Variants in CTNNA2 observed in about 807,000 individuals in gnomAD.
CTNNA2 encodes catenin alpha 2, also known as catenin alpha-2.
Under a neutral mutation model 101.0 loss-of-function variants are expected in CTNNA2, and 42 were observed. The observed-to-expected ratio is 0.42, with a 90% CI of 0.32 to 0.54. The LOEUF is 0.54. Among genes scored for constraint, CTNNA2 ranks in the 20% least tolerant of loss-of-function variants. The pLI, the probability that CTNNA2 is intolerant of heterozygous loss-of-function variation, is 0.14. For synonymous variants in CTNNA2, 450 were observed against 456.4 expected (o/e 0.99, Z 0.18); for missense variants, 871 against 1,223.1 (o/e 0.71, Z 4.29).
At chr2:80,328,370 GT>G (rs766343924) in intron 7 of CTNNA2, 13 of 471,046 alleles carry the variant, frequency 2.8e-5, no homozygotes, top group South Asian at 2.0e-4. Flanking sequence ...ATGTTTGTGT[GT>G]GGCAGGAAAG....
At chr2:79,892,551 A>T (rs896370062) in intron 6 of CTNNA2, among the ~76,000 whole-genome samples, 1 of 152,214 alleles carries the variant, frequency 6.6e-6, no homozygotes, top group Non-Finnish European at 1.5e-5. Flanking sequence ...TGTGATTTCC[A>T]ATTAGGTCAG....
At chr2:79,851,795 G>A (rs1975217) in intron 3 of CTNNA2, among the ~76,000 whole-genome samples, 72,993 of 133,918 alleles carry the variant, frequency 0.55, 19,492 homozygotes, top group South Asian at 0.64. Context: ...AGACTGCAGT[G>A]CAATGGTATG....
At position 79,741,888 on chromosome 2, in the gene CTNNA2, A is replaced by T. The variant is rs892774597; in HGVS notation, c.103-2499A>T. On this transcript the variant is annotated intron_variant, in intron 2 of 18. Transcript: ENST00000402739. The stretch of plus-strand genomic sequence containing the variant: ...CCAATAAAACACTGAATAGCAGTGA[A>T]AAGCATTGACAATTGTTTATTCCGA... 5.3e-5 allele frequency among the ~76,000 whole-genome samples: 8 copies of T among 152,204 alleles called. 1 individual carries two copies. Among genetic ancestry groups the T allele is most frequent in the Admixed American group, 5.2e-4 (8 of 15,288 alleles).
intron 7 of CTNNA2, among the ~76,000 whole-genome samples, chr2:80,031,588 G>A (rs1695292156): frequency 6.6e-6 from 1 of 152,212 alleles, no homozygotes; most frequent in Non-Finnish European, 1.5e-5. Flanking sequence ...CTCACAACAT[G>A]TGGAAATTCA....
At position 79,974,861 on chromosome 2, in the gene CTNNA2, G is replaced by C. The variant is rs150912319; in HGVS notation, c.1056+65064G>C. On this transcript the variant is annotated intron_variant, in intron 7 of 18. Transcript: ENST00000402739. ...GGGAGGAGTCAGACGAAGCGTAGGAGGGGTAAAGACTGAGCTTGAGGTCTT... is the reference window on the plus strand; with the variant it reads ...GGGAGGAGTCAGACGAAGCGTAGGACGGGTAAAGACTGAGCTTGAGGTCTT... Among the ~76,000 whole-genome samples the C allele has an allele frequency of 1.3e-3, 191 of 152,260 alleles. 1 individual carries two copies. Among genetic ancestry groups the C allele is most frequent in the African/African-American group, 4.3e-3 (177 of 41,564 alleles).
intron 7 of CTNNA2, among the ~76,000 whole-genome samples, chr2:80,216,335 T>A (rs1708268505): frequency 6.6e-6 from 1 of 152,190 alleles, no homozygotes; most frequent in Admixed American, 6.5e-5. Flanking sequence ...ATCTTCTGCA[T>A]CACTCATGCT....
At chr2:80,003,057 T>A (rs919495972) in intron 7 of CTNNA2, among the ~76,000 whole-genome samples, 1 of 152,042 alleles carries the variant, frequency 6.6e-6, no homozygotes, top group Non-Finnish European at 1.5e-5. Flanking sequence ...CCTTACCTGG[T>A]GATTAGTGAT....
Position 79,815,488 on chromosome 2 carries a change from A to G in CTNNA2, c.299-42525A>G, listed in dbSNP as rs568275627. Among the ~76,000 whole-genome samples the G allele has an allele frequency of 1.1e-4, 16 of 152,146 alleles. No homozygotes were observed. The East Asian group carries it at 3.1e-3, about 29-fold the overall frequency. On this transcript the variant is annotated intron_variant, in intron 3 of 18. Coordinates refer to ENST00000402739, the MANE Select transcript of CTNNA2 (RefSeq NM_001282597.3). The stretch of plus-strand genomic sequence containing the variant: ...GGATCCAGTTTCATGTGGCTAGCCA[A>G]TTATCCCAGCACCATTTGTTGAAAA...
chr2:79,352,951 A>G (rs1392641987), intron 3 of CTNNA2, among the ~76,000 whole-genome samples: 1 of 152,184 alleles, frequency 6.6e-6, no homozygotes, highest in Admixed American at 6.5e-5. Context: ...AGCAGGAGAA[A>G]GAGAGCAAAG....
chr2:79,560,053 TG>T (rs1301957869), intron 1 of CTNNA2, among the ~76,000 whole-genome samples: 2 of 151,522 alleles, frequency 1.3e-5, no homozygotes, highest in Non-Finnish European at 1.5e-5. Flanking sequence ...AAAGTCTTTG[TG>T]CATTAGAAAC....
chr2:79,668,553 A>C (rs1375589746), intron 2 of CTNNA2, among the ~76,000 whole-genome samples: 2 of 152,202 alleles, frequency 1.3e-5, no homozygotes, highest in African/African-American at 2.4e-5. Context: ...ACCTCCTTGA[A>C]TATTCCTTTC....
At chr2:79,997,901 G>C (rs569648104) in intron 7 of CTNNA2, among the ~76,000 whole-genome samples, 1 of 152,302 alleles carries the variant, frequency 6.6e-6, no homozygotes, top group African/African-American at 2.4e-5. Flanking sequence ...GTCCAACATA[G>C]AGAACTGAGC....
intron 3 of CTNNA2, among the ~76,000 whole-genome samples, chr2:79,809,924 G>A (rs1428384892): frequency 6.6e-6 from 1 of 151,842 alleles, no homozygotes; most frequent in Non-Finnish European, 1.5e-5. Context: ...CCTGAAGGAA[G>A]CACTAAATAC....
intron 1 of CTNNA2, among the ~76,000 whole-genome samples, chr2:79,190,907 T>C (rs1292656159): frequency 6.6e-6 from 1 of 152,224 alleles, no homozygotes; most frequent in East Asian, 1.9e-4. Context: ...GGTCCCTGTC[T>C]CTTCCTGCCA....
At chr2:80,040,509 C>G (rs545596675) in intron 7 of CTNNA2, among the ~76,000 whole-genome samples, 1 of 152,280 alleles carries the variant, frequency 6.6e-6, no homozygotes, top group Non-Finnish European at 1.5e-5. Flanking sequence ...AGGGGCTGTT[C>G]CTGTACACTG....
intron 4 of CTNNA2, among the ~76,000 whole-genome samples, chr2:79,448,262 G>T (rs1678854719): frequency 6.6e-6 from 1 of 151,874 alleles, no homozygotes; most frequent in Admixed American, 6.6e-5. Context: ...TTTAGATCTT[G>T]ATTTCTTTTA....
chr2:80,221,363 T>C (rs1708566228), intron 7 of CTNNA2, among the ~76,000 whole-genome samples: 1 of 152,132 alleles, frequency 6.6e-6, no homozygotes, highest in Non-Finnish European at 1.5e-5. Context: ...GAGGGGTGTA[T>C]GGTAGAGAAG....
chr2:79,824,003 T>A (rs984431236), intron 3 of CTNNA2, among the ~76,000 whole-genome samples: 5 of 151,792 alleles, frequency 3.3e-5, no homozygotes, highest in African/African-American at 1.2e-4. Flanking sequence ...GGAAAAAAAA[T>A]AAAAGGCAGA....
intron 4 of CTNNA2, among the ~76,000 whole-genome samples, chr2:79,480,545 A>C (rs1396203529): frequency 6.6e-6 from 1 of 152,112 alleles, no homozygotes; most frequent in Non-Finnish European, 1.5e-5. Context: ...CTGGTATATA[A>C]ATATCATGAC....
Sources: allele counts gnomAD v4.1 joint callset (sites outside exome capture counted in the v4.1 genomes callset), GRCh38; gene constraint gnomAD v4.1.1; transcripts MANE v1.5; gene names NCBI Gene and HGNC (gene_info 2026-07-23, HGNC 2026-07-21).